Variants in KIF7 observed in about 807,000 individuals in gnomAD.
KIF7 encodes the protein kinesin-like protein KIF7.
KIF7 carries 104 observed loss-of-function variants against 135.7 expected under a neutral mutation model. The ratio of observed to expected loss-of-function variants is 0.77; its 90% CI spans 0.65 to 0.90. KIF7 has a LOEUF of 0.90. KIF7 is among the 40% of genes least tolerant of loss of function. The pLI, the probability that KIF7 is intolerant of heterozygous loss-of-function variation, is 0.00. For synonymous variants in KIF7, 883 were observed against 809.4 expected, an observed-to-expected ratio of 1.09 and a Z score of -1.54; for missense variants, 2,005 against 1,839.1, an observed-to-expected ratio of 1.09 and a Z score of -1.65.
chr15:89,632,058 C>A (rs950137985), intron 14 of KIF7, among the ~76,000 whole-genome samples: 2 of 152,198 alleles, frequency 1.3e-5, no homozygotes, highest in African/African-American at 4.8e-5. Context: ...GCCCTAAAGG[C>A]CTTTCTGGGA....
At chr15:89,629,967 C>T (rs1963636229) in intron 16 of KIF7, 2 of 520,330 alleles carry the variant, frequency 3.8e-6, no homozygotes, top group Admixed American at 3.2e-5. Flanking sequence ...ACCCCCACCA[C>T]TGTGACAACC....
intron 6 of KIF7, 130 bp from the exon 7 acceptor site, chr15:89,647,187 C>CATT: frequency 1.3e-6 from 1 of 773,408 alleles, no homozygotes; most frequent in Non-Finnish European, 2.2e-6. Context: ...AAATACTCCT[C>CATT]TCCTCCCCAA....
chr15:89,633,767 C>T lies in KIF7; in HGVS notation c.2511G>A (p.Gln837=). The T allele has an allele frequency of 6.2e-7, 1 of 1,611,062 alleles. No individual in the cohort carries two copies. Among genetic ancestry groups the T allele is most frequent in the South Asian group, 1.1e-5 (1 of 91,074 alleles). Residue 837 remains glutamine (Q), a synonymous_variant, in exon 12 of 19, where the codon CAG becomes CAA. Coordinates refer to ENST00000394412, the MANE Select transcript of KIF7 (RefSeq NM_198525.3). ...TCTCCTCGCGAAGCCGCCTCTGCAG[C>T]TGTCCCTGCTGCTGCCGCATGAGCT... ...NVQLMRQQQG[Q]LQRRLREETE... is the part of the protein sequence containing the mutation.
intron 14 of KIF7, among the ~76,000 whole-genome samples, chr15:89,632,258 C>T (rs1200890367): frequency 6.6e-6 from 1 of 152,208 alleles, no homozygotes; most frequent in East Asian, 1.9e-4. Context: ...GCATCAATGA[C>T]GGCCATCCCC....
intron 10 of KIF7, 122 bp downstream of exon 10, chr15:89,644,889 CAA>C: frequency 7.6e-7 from 1 of 1,313,482 alleles, no homozygotes; most frequent in Non-Finnish European, 1.1e-6. Context: ...GGCTGAGTAT[CAA>C]ACCTAGGCCA....
intron 9 of KIF7, 64 bp from the exon 10 acceptor site, chr15:89,645,229 G>C (rs1963990993): frequency 1.2e-6 from 2 of 1,604,048 alleles, no homozygotes; most frequent in Admixed American, 1.7e-5. Flanking sequence ...GAGGAGTGGA[G>C]AGCAGGGGCT....
chr15:89,647,093 A>G (rs1002610107), intron 6 of KIF7, 36 bp from the exon 7 acceptor site: 1 of 1,520,480 alleles, frequency 6.6e-7, no homozygotes, highest in Non-Finnish European at 8.9e-7. Context: ...GGGGGCATGA[A>G]TGCCCCGACA....
intron 11 of KIF7, among the ~76,000 whole-genome samples, chr15:89,637,326 A>T (rs1240163213): frequency 6.9e-6 from 1 of 145,864 alleles, no homozygotes; most frequent in Non-Finnish European, 1.5e-5. Flanking sequence ...AAATAACTAA[A>T]ATCAGAGCAG....
chr15:89,618,356 A>AT, intron 1 of KIF7: 1 of 742,874 alleles, frequency 1.3e-6, no homozygotes, highest in Non-Finnish European at 2.3e-6. Flanking sequence ...GTAAATATTT[A>AT]TAAGTGAATG....
chr15:89,656,103 G>C (rs140189902), upstream of KIF7, among the ~76,000 whole-genome samples: 1,224 of 152,248 alleles, frequency 8.0e-3, 17 homozygotes, highest in African/African-American at 0.028. Flanking sequence ...GTAGTTTCTA[G>C]TGAAATTTTA....
Position 89,652,953 on chromosome 15 carries a change from C to A in KIF7, c.-23G>T. 6.8e-7 allele frequency: 1 copy of A among 1,476,672 alleles called. No homozygotes were observed. The highest frequency in any genetic ancestry group is 1.3e-5 in the South Asian group (1 of 74,948). The allele number at this position is 1,476,672 out of a possible 1,614,324, so 91.5% of individuals were successfully genotyped here. ...CATGCCGAGGGAGGACTGCTCTGGGCCCTGTGGAGAGAGAGAGAAGCCCTG... is the reference window on the plus strand; with the variant it reads ...CATGCCGAGGGAGGACTGCTCTGGGACCTGTGGAGAGAGAGAGAAGCCCTG... On this transcript the variant is annotated splice_region_variant and 5_prime_UTR_variant, in exon 2 of 19. Transcript: ENST00000394412.
downstream of KIF7, chr15:89,623,579 G>A: frequency 1.3e-6 from 2 of 1,546,418 alleles, no homozygotes; most frequent in Non-Finnish European, 1.7e-6. Context: ...CAGAGATCAT[G>A]AGTTATAATA....
upstream of KIF7, among the ~76,000 whole-genome samples, chr15:89,655,680 C>A (rs1305761485): frequency 6.6e-6 from 1 of 152,192 alleles, no homozygotes; most frequent in Non-Finnish European, 1.5e-5. Context: ...TGTCTCCAAA[C>A]TGGACTCCAG....
At chr15:89,655,892 T>C (rs1023587422), upstream of KIF7, among the ~76,000 whole-genome samples, 3 of 152,144 alleles carry the variant, frequency 2.0e-5, no homozygotes, top group South Asian at 2.1e-4. Context: ...CTTACACTCA[T>C]TGTCAAGGGA....
Position 89,630,492 on chromosome 15 carries a change from T to G in KIF7, c.3113A>C (p.Glu1038Ala). 13 of 1,513,722 alleles carry G rather than the reference T, an allele frequency of 8.6e-6. No individual in the cohort carries two copies. Among genetic ancestry groups the G allele is most frequent in the Non-Finnish European group, 1.1e-5 (13 of 1,130,710 alleles). The allele number at this position is 1,513,722 out of a possible 1,614,324, so 93.8% of individuals were successfully genotyped here. A position where few individuals can be genotyped will look rare whatever the true frequency, so the allele number is the denominator to read the frequency against. The change falls in exon 16 of 19, where the codon GAG (glutamate) becomes GCG (alanine). Residue 1038 changes from glutamate to alanine, a missense_variant and splice_region_variant. By Grantham distance (107) the Glu-to-Ala change is moderately radical. Coordinates refer to ENST00000394412, the MANE Select transcript of KIF7 (RefSeq NM_198525.3). Reference sequence around the variant, plus strand: ...ATCCAACTGGAACAGCGTCCGCTCCTCCTGCAGAGACGGGCACGCGTGGAG... The same window carrying G: ...ATCCAACTGGAACAGCGTCCGCTCCGCCTGCAGAGACGGGCACGCGTGGAG... ...LRQGSLLSPE[E>A]ERTLFQLDEA...
At chr15:89,624,459 A>C (rs938198813), downstream of KIF7, 9 of 1,614,042 alleles carry the variant, frequency 5.6e-6, no homozygotes, top group African/African-American at 6.7e-5. Context: ...AAGTTGGGAA[A>C]CGGTGTAGAA....
At chr15:89,652,393 C>A (rs1283954225) in intron 2 of KIF7, among the ~76,000 whole-genome samples, 3 of 152,178 alleles carry the variant, frequency 2.0e-5, no homozygotes, top group African/African-American at 7.2e-5. Context: ...GAAGGCCACT[C>A]ACCTCCAACG....
chr15:89,645,002 C>T lies in KIF7; in HGVS notation c.2191+11G>A, dbSNP rs199753549. On this transcript the variant is annotated intron_variant, in intron 10 of 18. Transcript: ENST00000394412. ...CTCGGGTGAGAGGCCCACCTGATGC[C>T]CACGCCTCACCTGTGCGGACCAGCT... 77 of 1,607,402 alleles carry T rather than the reference C, an allele frequency of 4.8e-5. No homozygotes were observed. Among genetic ancestry groups the T allele is most frequent in the Non-Finnish European group, 6.0e-5 (71 of 1,179,964 alleles).
At chr15:89,635,555 TCAAC>T (rs1308359362) in intron 11 of KIF7, among the ~76,000 whole-genome samples, 1 of 152,134 alleles carries the variant, frequency 6.6e-6, no homozygotes, top group Non-Finnish European at 1.5e-5. Context: ...GCTGATGCGA[TCAAC>T]TGGAAGAAAG....
Sources: allele counts gnomAD v4.1 joint callset (sites outside exome capture counted in the v4.1 genomes callset), GRCh38; gene constraint gnomAD v4.1.1; transcripts MANE v1.5; gene names NCBI Gene and HGNC (gene_info 2026-07-23, HGNC 2026-07-21).